The following KANK1 variants were observed in gnomAD, a reference collection of about 807,000 sequenced individuals.
KANK1 encodes the protein KN motif and ankyrin repeat domains 1, also known as KN motif and ankyrin repeat domain-containing protein 1.
In KANK1, 109 loss-of-function variants were observed where a neutral mutation model predicts 106.2. That is an observed-to-expected ratio of 1.03 (90% CI 0.88 to 1.20). The LOEUF (loss-of-function observed/expected upper bound fraction) is 1.20, where lower values mean the gene tolerates loss of function less well. KANK1 is among the 50% of genes most tolerant of loss of function. The pLI, the probability that KANK1 is intolerant of heterozygous loss-of-function variation, is 0.00. For synonymous variants in KANK1, 873 were observed against 652.2 expected (o/e 1.34, Z -5.16); for missense variants, 2,399 against 1,710.7 (o/e 1.40, Z -7.10).
chr9:556,956 A>G (rs1039728626), intron 1 of KANK1, among the ~76,000 whole-genome samples: 9 of 152,116 alleles, frequency 5.9e-5, no homozygotes, highest in African/African-American at 2.2e-4. Flanking sequence ...TTGAATATGA[A>G]TTGAGTTCTT....
intron 1 of KANK1, among the ~76,000 whole-genome samples, chr9:606,618 ATATT>A (rs1829254388): frequency 3.4e-5 from 3 of 89,166 alleles, no homozygotes; most frequent in Non-Finnish European, 9.9e-5. Context: ...GTGTGTGTAT[ATATT>A]TATATATTTA....
At chr9:743,962 G>C (rs1337878542) in intron 10 of KANK1, among the ~76,000 whole-genome samples, 1 of 152,208 alleles carries the variant, frequency 6.6e-6, no homozygotes, top group Non-Finnish European at 1.5e-5. Flanking sequence ...GTTAAGTGAA[G>C]CTTTTTTCAC....
chr9:601,185 T>C lies in KANK1; in HGVS notation c.-83-75705T>C, dbSNP rs1346635470. 2.0e-5 allele frequency among the ~76,000 whole-genome samples: 3 copies of C among 151,884 alleles called. 1 individual carries two copies. Among genetic ancestry groups the C allele is most frequent in the African/African-American group, 7.3e-5 (3 of 41,136 alleles). On this transcript the variant is annotated intron_variant, in intron 1 of 11. Coordinates refer to ENST00000382297, the MANE Select transcript of KANK1 (RefSeq NM_015158.5). ...AGTACGGGGCTCCCATACCCTTCAC[T>C]CAGTTTCTCCTAATGTTGTTATCTT...
intron 1 of KANK1, among the ~76,000 whole-genome samples, chr9:614,087 G>A (rs895587270): frequency 3.3e-5 from 5 of 152,166 alleles, no homozygotes; most frequent in African/African-American, 1.2e-4. Flanking sequence ...CTCAGTTCTT[G>A]GTCATGCCAG....
intron 1 of KANK1, among the ~76,000 whole-genome samples, chr9:530,296 C>G (rs998926969): frequency 2.0e-5 from 3 of 152,108 alleles, no homozygotes; most frequent in Admixed American, 6.5e-5. Context: ...AGGCGTTCCC[C>G]ATCTTAAAAT....
chr9:593,895 C>G (rs1176041759), intron 1 of KANK1, among the ~76,000 whole-genome samples: 1 of 151,868 alleles, frequency 6.6e-6, no homozygotes, highest in Non-Finnish European at 1.5e-5. Flanking sequence ...TTTTTTGTAA[C>G]CTTGTCTCTT....
chr9:673,299 C>A (rs958238921), intron 1 of KANK1, among the ~76,000 whole-genome samples: 2 of 149,224 alleles, frequency 1.3e-5, no homozygotes, highest in Non-Finnish European at 3.0e-5. Context: ...CAACCTCTGC[C>A]TCCCTGTTCA....
chr9:571,548 A>G (rs750412367), intron 1 of KANK1, among the ~76,000 whole-genome samples: 2 of 152,036 alleles, frequency 1.3e-5, no homozygotes, highest in Admixed American at 6.6e-5. Flanking sequence ...GGAAACAGCT[A>G]TGCTTCACTT....
chr9:558,038 A>T (rs550741843), intron 1 of KANK1, among the ~76,000 whole-genome samples: 1 of 152,226 alleles, frequency 6.6e-6, no homozygotes, highest in Non-Finnish European at 1.5e-5. Context: ...GAACAATGGT[A>T]GGAATGTCAA....
intron 1 of KANK1, among the ~76,000 whole-genome samples, chr9:562,141 T>G (rs546591073): frequency 5.5e-5 from 8 of 144,696 alleles, no homozygotes; most frequent in African/African-American, 2.0e-4. Flanking sequence ...CAAGCTCCGC[T>G]TCCCGGGTTC....
Position 574,834 on chromosome 9 carries a change from G to A in KANK1, c.-84+70080G>A, listed in dbSNP as rs2047115. On this transcript the variant is annotated intron_variant, in intron 1 of 11. Transcript: ENST00000382297. ...TGCACCACTGCACTCCAACTTAGGT[G>A]ACAGAGTGAGACTCCGTCTCAAAAA... Among the ~76,000 whole-genome samples, 692 of 139,828 alleles carry A rather than the reference G, an allele frequency of 4.9e-3. 7 individuals carry two copies. The highest frequency in any genetic ancestry group is 7.5e-3 in the Non-Finnish European group (498 of 66,306). 91.7% of individuals were successfully genotyped at this position (139,828 alleles called of 152,430 possible).
intron 3 of KANK1, among the ~76,000 whole-genome samples, chr9:720,531 G>A (rs540630188): frequency 4.6e-5 from 7 of 152,278 alleles, no homozygotes; most frequent in African/African-American, 1.7e-4. Flanking sequence ...GTTGTGTTCT[G>A]TTTGTTAGAG....
chr9:722,679 G>A (rs1394984206), intron 3 of KANK1, among the ~76,000 whole-genome samples: 1 of 152,166 alleles, frequency 6.6e-6, no homozygotes, highest in African/African-American at 2.4e-5. Context: ...TGGCAATATA[G>A]GTGACCAATT....
At chr9:587,987 A>T (rs1823917128) in intron 1 of KANK1, among the ~76,000 whole-genome samples, 1 of 151,958 alleles carries the variant, frequency 6.6e-6, no homozygotes, top group South Asian at 2.1e-4. Flanking sequence ...AATTGCTTGA[A>T]CCTGGGAGGC....
chr9:681,643 A>G (rs893925160), intron 2 of KANK1, among the ~76,000 whole-genome samples: 7 of 152,172 alleles, frequency 4.6e-5, no homozygotes, highest in Non-Finnish European at 8.8e-5. Flanking sequence ...TGCTGGTCAT[A>G]TGTCAGGGGA....
At position 675,986 on chromosome 9, in the gene KANK1, T is replaced by A. The variant is rs143922817; in HGVS notation, c.-83-904T>A. On this transcript the variant is annotated intron_variant, in intron 1 of 11. Transcript: ENST00000382297. ...ACATTGCCATGGCATTTGTAAACTG[T>A]CCTGCTGCTGGTGGGAATGTTTTTT... Among the ~76,000 whole-genome samples the A allele has an allele frequency of 8.2e-4, 125 of 152,308 alleles. 1 individual carries two copies. The highest frequency in any genetic ancestry group is 2.9e-3 in the African/African-American group (121 of 41,566).
chr9:745,101 C>G, intron 11 of KANK1, 72 bp from the exon 12 acceptor site: 2 of 1,575,048 alleles, frequency 1.3e-6, no homozygotes, highest in Non-Finnish European at 8.6e-7. Context: ...GGCCAAGATC[C>G]TATGTCACAG....
chr9:668,068 A>T (rs1166679477), intron 1 of KANK1, among the ~76,000 whole-genome samples: 2 of 152,094 alleles, frequency 1.3e-5, no homozygotes, highest in Admixed American at 6.5e-5. Context: ...GTTTTATTCC[A>T]TTGTGGTCAG....
chr9:583,273 AC>A (rs1480003294), intron 1 of KANK1, among the ~76,000 whole-genome samples: 1 of 152,194 alleles, frequency 6.6e-6, no homozygotes. Context: ...GGTATCTGTT[AC>A]ATTTTATCTG....
Sources: gnomAD v4.1 joint callset for allele counts (sites outside exome capture counted in the v4.1 genomes callset) on GRCh38, gnomAD v4.1.1 for gene constraint, MANE v1.5 for transcripts, NCBI Gene and HGNC (gene_info 2026-07-23, HGNC 2026-07-21) for gene names.